CEP63: variants seen among roughly 807,000 people sequenced by gnomAD.
The protein encoded by CEP63 is centrosomal protein of 63 kDa.
Under a neutral mutation model 89.1 loss-of-function variants are expected in CEP63, and 84 were observed. The ratio of observed to expected loss-of-function variants is 0.94; its 90% CI spans 0.79 to 1.13. The LOEUF is 1.13. Ranked by LOEUF, CEP63 falls within the 50% of genes most tolerant of loss-of-function variation. The pLI is 0.00. For synonymous variants in CEP63, 267 were observed against 272.5 expected, an observed-to-expected ratio of 0.98 and a Z score of 0.20; for missense variants, 838 against 813.3, an observed-to-expected ratio of 1.03 and a Z score of -0.37.
intron 4 of CEP63, among the ~76,000 whole-genome samples, chr3:134,532,402 A>C (rs993732216): frequency 1.3e-5 from 2 of 152,136 alleles, no homozygotes; most frequent in African/African-American, 2.4e-5. Flanking sequence ...ATTGCAAAGT[A>C]CTCTTCTCCT....
chr3:134,513,111 G>A (rs1397965885), intron 3 of CEP63, among the ~76,000 whole-genome samples: 1 of 152,028 alleles, frequency 6.6e-6, no homozygotes, highest in Non-Finnish European at 1.5e-5. Context: ...ATTCTCCACC[G>A]TGGATAGGTT....
chr3:134,623,874 GC>G, the CEP63 span, among the ~76,000 whole-genome samples: 1 of 152,046 alleles, frequency 6.6e-6, no homozygotes, highest in Admixed American at 6.5e-5. Context: ...CCTTGCCCCA[GC>G]CCCTTTGATG....
chr3:134,538,533 G>GTGTATATATATATATATATATA (rs1553770392), intron 6 of CEP63, among the ~76,000 whole-genome samples: 1 of 101,372 alleles, frequency 9.9e-6, no homozygotes, highest in African/African-American at 3.0e-5. Context: ...GTGTGTGTGT[G>GTGTATATATATATATATATATA]TATATATATA....
At chr3:134,489,936 AGCT>A (rs1432046774) in intron 1 of CEP63, among the ~76,000 whole-genome samples, 2 of 152,096 alleles carry the variant, frequency 1.3e-5, no homozygotes, top group African/African-American at 2.4e-5. Flanking sequence ...GGCCAGTGGG[AGCT>A]CCTTAAAGTT....
chr3:134,557,384 T>C (rs201559338), intron 12 of CEP63, among the ~76,000 whole-genome samples: 1 of 61,684 alleles, frequency 1.6e-5, no homozygotes, highest in African/African-American at 3.6e-5. Context: ...TTGTTTTTTT[T>C]TTTTTTTTTT....
At chr3:134,495,694 A>C (rs1185129095) in intron 2 of CEP63, among the ~76,000 whole-genome samples, 2 of 152,114 alleles carry the variant, frequency 1.3e-5, no homozygotes, top group African/African-American at 2.4e-5. Context: ...CTTCTACCTA[A>C]CTGTATGGTT....
At chr3:134,630,309 G>A in the CEP63 span, among the ~76,000 whole-genome samples, 1 of 152,198 alleles carries the variant, frequency 6.6e-6, no homozygotes, top group African/African-American at 2.4e-5. Flanking sequence ...TGATGTTGGT[G>A]GCCATGCAGC....
At chr3:134,740,456 C>G in the CEP63 span, among the ~76,000 whole-genome samples, 1 of 151,996 alleles carries the variant, frequency 6.6e-6, no homozygotes. Flanking sequence ...CATTACTATG[C>G]CCGGCTAATT....
At chr3:134,536,035 C>T (rs974042431) in intron 5 of CEP63, 1 of 152,208 alleles carries the variant, frequency 6.6e-6, no homozygotes, top group Non-Finnish European at 1.5e-5. Context: ...CACCAGGATG[C>T]TCTTATTTCA....
At chr3:134,762,253 C>T in the CEP63 span, among the ~76,000 whole-genome samples, 1 of 152,094 alleles carries the variant, frequency 6.6e-6, no homozygotes, top group East Asian at 1.9e-4. Flanking sequence ...TAGTGGGCCA[C>T]CCTGGAATGG....
At chr3:134,578,812 C>G (rs567949426), downstream of CEP63, among the ~76,000 whole-genome samples, 3 of 152,086 alleles carry the variant, frequency 2.0e-5, no homozygotes, top group Admixed American at 2.0e-4. Context: ...GATATTAGAT[C>G]TTTGTTAGAT....
chr3:134,622,070 T>TG, the CEP63 span, among the ~76,000 whole-genome samples: 2 of 152,216 alleles, frequency 1.3e-5, no homozygotes, highest in Non-Finnish European at 2.9e-5. Flanking sequence ...AATAATGTGT[T>TG]GGCAAGAATA....
the CEP63 span, among the ~76,000 whole-genome samples, chr3:134,634,869 G>T: frequency 6.6e-6 from 1 of 152,110 alleles, no homozygotes; most frequent in Non-Finnish European, 1.5e-5. Context: ...TATACTGAGG[G>T]GTGACTGTAA....
chr3:134,753,600 C>T, the CEP63 span, among the ~76,000 whole-genome samples: 1 of 152,202 alleles, frequency 6.6e-6, no homozygotes, highest in Non-Finnish European at 1.5e-5. Flanking sequence ...CTTTGCTCCC[C>T]TGACTTAGCC....
At chr3:134,665,332 C>T in the CEP63 span, among the ~76,000 whole-genome samples, 1 of 152,218 alleles carries the variant, frequency 6.6e-6, no homozygotes, top group African/African-American at 2.4e-5. Flanking sequence ...CCCACCCCAT[C>T]CAGTTCCCTG....
chr3:134,719,251 C>T, the CEP63 span, among the ~76,000 whole-genome samples: 1 of 152,076 alleles, frequency 6.6e-6, no homozygotes, highest in African/African-American at 2.4e-5. Context: ...GATCCTTCTG[C>T]CTTGGCCTCC....
the CEP63 span, among the ~76,000 whole-genome samples, chr3:134,636,691 C>T: frequency 1.4e-4 from 21 of 152,240 alleles, no homozygotes; most frequent in African/African-American, 2.9e-4. Context: ...TTGGTGAGCT[C>T]GTAAATGCTT....
At chr3:134,776,634 A>T in the CEP63 span, among the ~76,000 whole-genome samples, 2 of 152,162 alleles carry the variant, frequency 1.3e-5, no homozygotes, top group African/African-American at 4.8e-5. Flanking sequence ...CCAGGAGTAC[A>T]CGCTCTTCTT....
chr3:134,663,815 C>G, the CEP63 span, among the ~76,000 whole-genome samples: 1 of 152,206 alleles, frequency 6.6e-6, no homozygotes, highest in Admixed American at 6.5e-5. Context: ...GCGGGGCTGC[C>G]CACTGGCCAG....
Sources: gnomAD v4.1 joint callset for allele counts (sites outside exome capture counted in the v4.1 genomes callset) on GRCh38, gnomAD v4.1.1 for gene constraint, MANE v1.5 for transcripts, NCBI Gene and HGNC (gene_info 2026-07-23, HGNC 2026-07-21) for gene names.